Variants in BRDT observed in about 807,000 individuals in gnomAD.
BRDT encodes bromodomain testis associated.
BRDT carries 77 observed loss-of-function variants against 113.9 expected under a neutral mutation model. That is an observed-to-expected ratio of 0.68 (90% confidence interval 0.56 to 0.82). BRDT has a LOEUF of 0.82. Ranked by LOEUF, BRDT falls within the 40% of genes least tolerant of loss-of-function variation. The probability of loss-of-function intolerance (pLI) is 0.00; values close to 1 mark genes in which losing one functional copy is unlikely to be tolerated. For missense variants in BRDT, 1,027 were observed against 1,105.4 expected, an observed-to-expected ratio of 0.93 and a Z score of 1.01; for synonymous variants, 358 against 366.5, an observed-to-expected ratio of 0.98 and a Z score of 0.26.
chr1:92,004,323 G>GATTAAGATTAAGATAAGCA (rs1687100264), intron 16 of BRDT, 91 bp from the exon 17 acceptor site: 2 of 793,436 alleles, frequency 2.5e-6, no homozygotes, highest in Admixed American at 2.7e-5. Context: ...ATCTTAATTA[G>GATTAAGATTAAGATAAGCA]ATCTATTGCT....
At chr1:92,005,093 T>C in intron 17 of BRDT, 26 bp from the exon 18 acceptor site, 3 of 1,433,124 alleles carry the variant, frequency 2.1e-6, no homozygotes, top group Non-Finnish European at 2.7e-6. Context: ...TGAAACCTAC[T>C]TTGAGCTATA....
At chr1:91,994,292 T>C in intron 15 of BRDT, 38 bp downstream of exon 15, 2 of 1,507,754 alleles carry the variant, frequency 1.3e-6, no homozygotes, top group South Asian at 2.5e-5. Context: ...TATTGAGAAA[T>C]TGACTTCTAA....
intron 1 of BRDT, among the ~76,000 whole-genome samples, chr1:91,957,343 A>C (rs1009385559): frequency 7.2e-5 from 11 of 152,232 alleles, no homozygotes; most frequent in Admixed American, 6.5e-4. Context: ...AATACAAAAA[A>C]CTAGCTGGGT....
chr1:91,952,832 A>AGT (rs925113210), intron 1 of BRDT, among the ~76,000 whole-genome samples: 1 of 143,912 alleles, frequency 6.9e-6, no homozygotes, highest in Admixed American at 7.1e-5. Flanking sequence ...GTGATGGGGG[A>AGT]GTGTTATCTA....
chr1:91,978,723 C>T (rs752613849), intron 7 of BRDT, among the ~76,000 whole-genome samples: 1 of 151,986 alleles, frequency 6.6e-6, no homozygotes, highest in Non-Finnish European at 1.5e-5. Context: ...TGTGCTGGCC[C>T]GGCGCGGTGG....
chr1:91,973,222 T>C (rs1454025621), intron 4 of BRDT, among the ~76,000 whole-genome samples: 1 of 152,224 alleles, frequency 6.6e-6, no homozygotes, highest in East Asian at 1.9e-4. Flanking sequence ...GTGTGATGCC[T>C]CCAGCTTTGT....
chr1:91,989,850 G>A (rs1393454760), intron 12 of BRDT, among the ~76,000 whole-genome samples: 1 of 152,162 alleles, frequency 6.6e-6, no homozygotes. Context: ...GTGGCATTTA[G>A]CAATTTTAAC....
intron 1 of BRDT, among the ~76,000 whole-genome samples, chr1:91,959,780 G>A (rs977312292): frequency 1.5e-4 from 23 of 152,108 alleles, no homozygotes; most frequent in African/African-American, 5.3e-4. Context: ...ACAGCACCCA[G>A]CCTATGACTT....
chr1:92,013,124 A>C (rs1687949931), intron 18 of BRDT, among the ~76,000 whole-genome samples: 1 of 151,138 alleles, frequency 6.6e-6, no homozygotes, highest in South Asian at 2.1e-4. Context: ...AGGCTGAGGA[A>C]AGAGAATCAC....
At chr1:91,983,501 A>G (rs1000048026) in intron 12 of BRDT, among the ~76,000 whole-genome samples, 4 of 151,884 alleles carry the variant, frequency 2.6e-5, no homozygotes, top group African/African-American at 9.7e-5. Context: ...TGATCCACCC[A>G]CCTCGGCCTC....
chr1:91,978,907 A>G (rs1380334240), intron 7 of BRDT, among the ~76,000 whole-genome samples: 1 of 147,560 alleles, frequency 6.8e-6, no homozygotes, highest in Non-Finnish European at 1.5e-5. Flanking sequence ...CTGAGACAGG[A>G]GAATGGCGTG....
rs759276811 is a variant in BRDT at position 91,968,150 on chromosome 1, G to T, written c.335G>T (p.Gly112Val). The T allele has an allele frequency of 1.2e-6, 2 of 1,613,668 alleles. No individual in the cohort carries two copies. Among genetic ancestry groups the T allele is most frequent in the East Asian group, 4.5e-5 (2 of 44,866 alleles). Residue 112 changes from glycine to valine, a missense_variant, in exon 4 of 19, where the codon GGA (glycine) becomes GTA (valine). Coordinates refer to ENST00000399546, the MANE Select transcript of BRDT (RefSeq NM_207189.4). ...FSNCYLYNKP[G>V]DDIVLMAQAL... Reference sequence around the variant, plus strand: ...TATATTTAATATATTTTGTAGCCTGGAGATGACATTGTTCTTATGGCACAA... The same window carrying T: ...TATATTTAATATATTTTGTAGCCTGTAGATGACATTGTTCTTATGGCACAA...
Position 91,979,741 on chromosome 1 carries a change from C to CA in BRDT, c.1274dup (p.Leu426AlafsTer6). 6.2e-7 allele frequency: 1 copy of CA among 1,607,560 alleles called. No individual in the cohort carries two copies. The highest frequency in any genetic ancestry group is 8.5e-7 in the Non-Finnish European group (1 of 1,178,372). ...GAAGATGAGCGAGTTAAGCGTCTTG[C>CA]AAAGCTTCAGGAGCAGGTAGTTGAT... On this transcript the variant is annotated frameshift_variant, in exon 8 of 19. Transcript: ENST00000399546. LOFTEE classifies it high-confidence loss of function.
At position 91,991,172 on chromosome 1, in the gene BRDT, A is replaced by G; in HGVS notation, c.2003-12A>G. 1 of 1,466,204 alleles carries G rather than the reference A, an allele frequency of 6.8e-7. No individual in the cohort carries two copies. The highest frequency in any genetic ancestry group is 9.4e-7 in the Non-Finnish European group (1 of 1,065,916). The allele number at this position is 1,466,204 out of a possible 1,614,324, so 90.8% of individuals were successfully genotyped here. On this transcript the variant is annotated splice_polypyrimidine_tract_variant and intron_variant, in intron 12 of 18. Coordinates refer to ENST00000399546, the MANE Select transcript of BRDT (RefSeq NM_207189.4). ...AATAAATATTAAAATATTTATGTGT[A>G]TACATTTGCAGAAATGTTCCCTAAG...
intron 12 of BRDT, among the ~76,000 whole-genome samples, chr1:91,985,859 C>A (rs919060945): frequency 3.3e-5 from 5 of 150,628 alleles, no homozygotes; most frequent in African/African-American, 1.2e-4. Context: ...AGGATGGTCT[C>A]GATCTCCTGA....
At chr1:91,981,211 T>C (rs1684693622) in intron 10 of BRDT, 33 bp downstream of exon 10, 1 of 1,607,632 alleles carries the variant, frequency 6.2e-7, no homozygotes, top group African/African-American at 1.3e-5. Context: ...AGAAATCGGT[T>C]TGGTATTTAT....
chr1:91,968,501 C>T (rs114091851), intron 4 of BRDT, among the ~76,000 whole-genome samples: 1,766 of 152,168 alleles, frequency 0.012, 36 homozygotes, highest in African/African-American at 0.04. Context: ...AGCATAATGC[C>T]GTTCACATAG....
chr1:91,978,088 A>T, intron 6 of BRDT, 80 bp from the exon 7 acceptor site: 1 of 1,294,252 alleles, frequency 7.7e-7, no homozygotes, highest in Non-Finnish European at 1.1e-6. Flanking sequence ...ATTATTTTGT[A>T]ATATGAACAT....
chr1:91,955,811 C>T (rs1681704254), intron 1 of BRDT, among the ~76,000 whole-genome samples: 1 of 146,486 alleles, frequency 6.8e-6, no homozygotes, highest in Non-Finnish European at 1.5e-5. Context: ...GAGTTCACCA[C>T]TGAGAAGATA....
Sources: gnomAD v4.1 joint callset for allele counts (sites outside exome capture counted in the v4.1 genomes callset) on GRCh38, gnomAD v4.1.1 for gene constraint, MANE v1.5 for transcripts, NCBI Gene and HGNC (gene_info 2026-07-23, HGNC 2026-07-21) for gene names.